The following ETV7 variants were observed in gnomAD, a reference collection of about 807,000 sequenced individuals.
The protein encoded by ETV7 is transcription factor ETV7.
Under a neutral mutation model 39.1 loss-of-function variants are expected in ETV7, and 43 were observed. That is an observed-to-expected ratio of 1.10 (90% CI 0.86 to 1.42). ETV7 has a LOEUF of 1.42. ETV7 is among the 40% of genes most tolerant of loss of function. The pLI is 0.00. For missense variants in ETV7, 432 were observed against 442.3 expected (o/e 0.98, Z 0.21); for synonymous variants, 196 against 176.6 (o/e 1.11, Z -0.87).
chr6:36,383,555 A>T, intron 2 of ETV7, among the ~76,000 whole-genome samples: 3 of 148,432 alleles, frequency 2.0e-5, no homozygotes, highest in African/African-American at 2.4e-5. Flanking sequence ...AGGGGAGGGA[A>T]TGGGGTGGGT....
chr6:36,372,123 G>C (rs1779716290), intron 4 of ETV7, among the ~76,000 whole-genome samples: 1 of 152,246 alleles, frequency 6.6e-6, no homozygotes, highest in Non-Finnish European at 1.5e-5. Context: ...ACTTTAGAGA[G>C]GCTGCTCAGG....
chr6:36,373,844 A>T (rs1773170444), intron 3 of ETV7, among the ~76,000 whole-genome samples: 1 of 152,206 alleles, frequency 6.6e-6, no homozygotes, highest in Non-Finnish European at 1.5e-5. Flanking sequence ...TGCAGCTTGC[A>T]AGGTCAGGCT....
At chr6:36,361,128 C>T (rs752049747) in intron 7 of ETV7, among the ~76,000 whole-genome samples, 14 of 152,194 alleles carry the variant, frequency 9.2e-5, no homozygotes, top group Non-Finnish European at 1.8e-4. Flanking sequence ...ATCAAGATCA[C>T]GATTAAAATA....
At chr6:36,382,795 T>C (rs192325765) in intron 2 of ETV7, among the ~76,000 whole-genome samples, 1 of 152,316 alleles carries the variant, frequency 6.6e-6, no homozygotes, top group East Asian at 1.9e-4. Flanking sequence ...GCTTTGAAAG[T>C]CAATTTCAAA....
chr6:36,356,858 G>T (rs928709547), intron 7 of ETV7, among the ~76,000 whole-genome samples: 1 of 152,244 alleles, frequency 6.6e-6, no homozygotes, highest in Admixed American at 6.5e-5. Flanking sequence ...GTCCTGTGAA[G>T]ATGTGTGTAT....
intron 6 of ETV7, among the ~76,000 whole-genome samples, chr6:36,368,395 C>T (rs559000601): frequency 2.3e-4 from 35 of 152,324 alleles, no homozygotes; most frequent in African/African-American, 6.5e-4. Context: ...TATATCACTG[C>T]TGTAAATCAT....
chr6:36,354,405 T>C (rs777489054), exon 8 of ETV7: 6 of 358,844 alleles, frequency 1.7e-5, no homozygotes, highest in Non-Finnish European at 3.0e-5. Flanking sequence ...TTTATGTCTT[T>C]GACATATTTT....
chr6:36,369,000 C>T lies in ETV7; in HGVS notation c.736G>A (p.Glu246Lys). The T allele has an allele frequency of 3.7e-6, 6 of 1,614,204 alleles. No individual in the cohort carries two copies. Among genetic ancestry groups the T allele is most frequent in the Non-Finnish European group, 5.1e-6 (6 of 1,180,030 alleles). Residue 246 changes from glutamate (E) to lysine (K), a missense_variant, in exon 6 of 8, where the codon GAA becomes AAA. Coordinates refer to ENST00000340181, the MANE Select transcript of ETV7 (RefSeq NM_016135.4). ...DTRYEPYIKW[E>K]DKDAKIFRVV... ...CGGAAGATCTTGGCGTCCTTGTCTT[C>T]CCACTTGATGTAGGGCTCATATCGG...
chr6:36,371,452 C>T lies in ETV7; in HGVS notation c.542G>A (p.Arg181Lys). ...FGHLDDPGLA[R>K]WTPGKEESLN... ...GGACTCCTCCTTGCCAGGGGTCCAC[C>T]TTGCCAGGCCAGGGTCATCCAGGTG... The change falls in exon 5 of 8, where the codon AGG becomes AAG. Residue 181 changes from arginine (R) to lysine (K), a missense_variant. By Grantham distance (26) the Arg-to-Lys change is conservative. Coordinates refer to ENST00000340181, the MANE Select transcript of ETV7 (RefSeq NM_016135.4). 1 of 1,601,624 alleles carries T rather than the reference C, an allele frequency of 6.2e-7. No homozygotes were observed. The highest frequency in any genetic ancestry group is 8.5e-7 in the Non-Finnish European group (1 of 1,173,678).
At chr6:36,377,115 G>T (rs1396756566) in intron 2 of ETV7, among the ~76,000 whole-genome samples, 18 of 152,168 alleles carry the variant, frequency 1.2e-4, no homozygotes, top group Non-Finnish European at 2.5e-4. Context: ...GTTCAGCAGG[G>T]CTACGTTACG....
chr6:36,384,287 G>A (rs1773790070), intron 2 of ETV7, among the ~76,000 whole-genome samples: 1 of 152,176 alleles, frequency 6.6e-6, no homozygotes, highest in Admixed American at 6.5e-5. Context: ...TGCACCCTGA[G>A]TTATGCAATC....
chr6:36,378,062 C>G (rs922252389), intron 2 of ETV7, among the ~76,000 whole-genome samples: 1 of 152,028 alleles, frequency 6.6e-6, no homozygotes, highest in African/African-American at 2.4e-5. Flanking sequence ...TAACTAAGAT[C>G]AAATGGTCTT....
intron 7 of ETV7, among the ~76,000 whole-genome samples, chr6:36,357,873 G>T (rs1772381640): frequency 6.6e-6 from 1 of 151,504 alleles, no homozygotes; most frequent in Non-Finnish European, 1.5e-5. Flanking sequence ...GTGAGATTCT[G>T]TCTCAAAAAC....
Position 36,366,859 on chromosome 6 carries a change from C to T in ETV7, c.908+16G>A, listed in dbSNP as rs1247952179. On this transcript the variant is annotated intron_variant, in intron 7 of 7. Coordinates refer to ENST00000340181, the MANE Select transcript of ETV7 (RefSeq NM_016135.4). ...AGTTCTGCTTCCCCTTTCACCACATCCCCTAGGCCACTCACCTGAACAGGA... is the reference window on the plus strand; with the variant it reads ...AGTTCTGCTTCCCCTTTCACCACATTCCCTAGGCCACTCACCTGAACAGGA... 4 of 1,613,594 alleles carry T rather than the reference C, an allele frequency of 2.5e-6. No individual in the cohort carries two copies. The highest frequency in any genetic ancestry group is 3.4e-6 in the Non-Finnish European group (4 of 1,179,538).
chr6:36,356,176 G>A (rs1772330426), intron 7 of ETV7, among the ~76,000 whole-genome samples: 1 of 152,076 alleles, frequency 6.6e-6, no homozygotes, highest in Non-Finnish European at 1.5e-5. Flanking sequence ...GCTCACGCCT[G>A]TAATCCCTTC....
rs573862526 is a variant in ETV7, at chr6:36,380,792, T to C, written c.142+4742A>G. ...ATAGTAGCTGCTCAATAAAAATAAATTGCTTAAATAAGTGAGTTGAGCAAA... is the reference window on the plus strand; with the variant it reads ...ATAGTAGCTGCTCAATAAAAATAAACTGCTTAAATAAGTGAGTTGAGCAAA... On this transcript the variant is annotated intron_variant, in intron 2 of 7. Transcript: ENST00000340181. Among the ~76,000 whole-genome samples, 3 of 152,182 alleles carry C rather than the reference T, an allele frequency of 2.0e-5. No homozygotes were observed. In the South Asian group the frequency reaches 6.2e-4, roughly 32 times the overall value.
intron 2 of ETV7, 45 bp from the exon 3 acceptor site, chr6:36,376,080 C>T (rs748303048): frequency 6.5e-6 from 10 of 1,545,796 alleles, no homozygotes; most frequent in Non-Finnish European, 6.1e-6. Flanking sequence ...GTCGGGCCTC[C>T]TCAAAGAAGC....
downstream of ETV7, among the ~76,000 whole-genome samples, chr6:36,362,833 C>T (rs531771023): frequency 1.3e-5 from 2 of 152,354 alleles, no homozygotes; most frequent in African/African-American, 4.8e-5. Context: ...GAGTTAAGGC[C>T]TCATCGCTGG....
intron 2 of ETV7, among the ~76,000 whole-genome samples, chr6:36,376,549 G>A (rs771669648): frequency 3.2e-4 from 49 of 152,230 alleles, no homozygotes; most frequent in Non-Finnish European, 5.1e-4. Context: ...AGGCCGAGGC[G>A]GGTGGATCAC....
Sources: allele counts gnomAD v4.1 joint callset (sites outside exome capture counted in the v4.1 genomes callset), GRCh38; gene constraint gnomAD v4.1.1; transcripts MANE v1.5; gene names NCBI Gene and HGNC (gene_info 2026-07-23, HGNC 2026-07-21).